USH2A: variants seen among roughly 807,000 people sequenced by gnomAD.
USH2A encodes the protein Usher syndrome 2A (autosomal recessive, mild).
USH2A carries 443 observed loss-of-function variants against 538.9 expected under a neutral mutation model. The observed-to-expected ratio is 0.82, with a 90% confidence interval of 0.76 to 0.89. The LOEUF (loss-of-function observed/expected upper bound fraction) is 0.89. USH2A is among the 40% of genes least tolerant of loss of function. The pLI, the probability that USH2A is intolerant of heterozygous loss-of-function variation, is 0.00. For missense variants in USH2A, 6,633 were observed against 6,324.8 expected, an observed-to-expected ratio of 1.05 and a Z score of -1.65; for synonymous variants, 2,413 against 2,273.5, an observed-to-expected ratio of 1.06 and a Z score of -1.75.
chr1:216,284,408 T>A (rs544618519), intron 11 of USH2A, among the ~76,000 whole-genome samples: 1 of 152,200 alleles, frequency 6.6e-6, no homozygotes, highest in Non-Finnish European at 1.5e-5. Flanking sequence ...TTCTCCTTGC[T>A]GTCACCATGT....
At chr1:215,799,275 C>T (rs577103569) in intron 49 of USH2A, 150 bp from the exon 50 acceptor site, 2 of 892,370 alleles carry the variant, frequency 2.2e-6, no homozygotes, top group South Asian at 3.2e-5. Flanking sequence ...GCAAAATTTC[C>T]AAATGACTCC....
chr1:216,045,848 G>A (rs1571913297), intron 32 of USH2A, among the ~76,000 whole-genome samples: 1 of 152,184 alleles, frequency 6.6e-6, no homozygotes, highest in African/African-American at 2.4e-5. Flanking sequence ...GGTGGAGGGA[G>A]GTAACATGAG....
intron 56 of USH2A, among the ~76,000 whole-genome samples, chr1:215,762,184 G>T (rs1229045014): frequency 6.6e-6 from 1 of 152,108 alleles, no homozygotes; most frequent in Non-Finnish European, 1.5e-5. Flanking sequence ...GGGTTTCTCT[G>T]CCAACAGCTG....
At chr1:215,765,028 T>A (rs893570615) in intron 56 of USH2A, among the ~76,000 whole-genome samples, 1 of 151,964 alleles carries the variant, frequency 6.6e-6, no homozygotes, top group Admixed American at 6.6e-5. Context: ...TACCCTGCAC[T>A]GTTGAAAGCT....
Position 216,374,459 on chromosome 1 carries a change from A to G in USH2A, c.652-9374T>C, listed in dbSNP as rs74141565. 6.0e-3 allele frequency among the ~76,000 whole-genome samples: 907 copies of G among 152,130 alleles called. 11 individuals carry two copies. The highest frequency in any genetic ancestry group is 0.021 in the African/African-American group (872 of 41,526). On this transcript the variant is annotated intron_variant, in intron 3 of 71. Transcript: ENST00000307340. ...CATATTATATCTTATCATGTCTTAC[A>G]TCATTTCTATTTGTTCCATTATTAA...
intron 19 of USH2A, 23 bp from the exon 20 acceptor site, chr1:216,190,390 A>G (rs778834732): frequency 6.2e-7 from 1 of 1,607,788 alleles, no homozygotes; most frequent in Admixed American, 1.7e-5. Context: ...AAAGAAAGAA[A>G]GAAAGAAAGA....
chr1:216,198,684 T>A, intron 17 of USH2A, 100 bp from the exon 18 acceptor site: 1 of 1,077,568 alleles, frequency 9.3e-7, no homozygotes, highest in Non-Finnish European at 1.4e-6. Context: ...TGGATATTCA[T>A]TGTCTTTCTA....
chr1:215,773,524 C>CTCTCTCTCTCTCTCTCTCTCTT (rs1558091711), intron 55 of USH2A, among the ~76,000 whole-genome samples: 1 of 148,858 alleles, frequency 6.7e-6, no homozygotes, highest in Admixed American at 6.6e-5. Flanking sequence ...CTCTCTCTCT[C>CTCTCTCTCTCTCTCTCTCTCTT]TCTCTCTCTG....
chr1:215,993,102 G>C lies in USH2A; in HGVS notation c.6723C>G (p.Pro2241=), dbSNP rs1238280246. ...ASEALTDEDI[P]EGVPAPKAHS... ...GGGCTTTGGGGGCTGGCACGCCTTC[G>C]GGTATGTCCTCGTCAGTTAGGGCCT... The change falls in exon 35 of 72, where the codon CCC becomes CCG. Residue 2241 remains proline (P), a synonymous_variant. Transcript: ENST00000307340. 6.2e-7 allele frequency: 1 copy of C among 1,614,018 alleles called. No homozygotes were observed. Among genetic ancestry groups the C allele is most frequent in the Admixed American group, 1.7e-5 (1 of 60,008 alleles).
At chr1:215,974,819 T>A (rs550082409) in intron 35 of USH2A, among the ~76,000 whole-genome samples, 1 of 152,326 alleles carries the variant, frequency 6.6e-6, no homozygotes, top group East Asian at 1.9e-4. Context: ...ATGTTTCTTT[T>A]GGTAGAATGA....
intron 41 of USH2A, among the ~76,000 whole-genome samples, chr1:215,880,415 A>G (rs1359584357): frequency 1.3e-5 from 2 of 152,198 alleles, no homozygotes; most frequent in East Asian, 3.9e-4. Flanking sequence ...CTACCAAATT[A>G]TACTACAGGG....
chr1:216,064,847 A>T (rs2031298194), intron 30 of USH2A, among the ~76,000 whole-genome samples: 1 of 152,208 alleles, frequency 6.6e-6, no homozygotes, highest in African/African-American at 2.4e-5. Flanking sequence ...AGCACATTGC[A>T]AGGTGATGAA....
At chr1:216,203,245 A>G (rs553449985) in intron 16 of USH2A, among the ~76,000 whole-genome samples, 1 of 151,920 alleles carries the variant, frequency 6.6e-6, no homozygotes, top group South Asian at 2.1e-4. Context: ...ATATACACAT[A>G]TACACATATA....
intron 42 of USH2A, 109 bp from the exon 43 acceptor site, chr1:215,877,989 A>G: frequency 6.8e-7 from 1 of 1,461,388 alleles, no homozygotes; most frequent in Non-Finnish European, 9.5e-7. Context: ...GTGGAAGCAT[A>G]AAGAATAACA....
intron 38 of USH2A, among the ~76,000 whole-genome samples, chr1:215,929,031 G>T (rs950591073): frequency 6.6e-5 from 10 of 151,790 alleles, no homozygotes; most frequent in African/African-American, 2.2e-4. Context: ...AGTGAAAAAT[G>T]AAAAAAAGTT....
At chr1:215,891,010 T>G (rs901979611) in intron 40 of USH2A, among the ~76,000 whole-genome samples, 10 of 152,200 alleles carry the variant, frequency 6.6e-5, no homozygotes, top group African/African-American at 2.2e-4. Flanking sequence ...ATGTGAACTA[T>G]CAAACTGTGA....
intron 71 of USH2A, among the ~76,000 whole-genome samples, 188 bp downstream of exon 71, chr1:215,628,626 A>C (rs762105014): frequency 6.6e-5 from 10 of 152,204 alleles, no homozygotes; most frequent in Non-Finnish European, 1.3e-4. Context: ...CCAGAAGAAC[A>C]AGACAAAGTT....
intron 47 of USH2A, among the ~76,000 whole-genome samples, chr1:215,831,595 C>T (rs1268508281): frequency 3.3e-5 from 5 of 151,934 alleles, no homozygotes; most frequent in Admixed American, 1.3e-4. Flanking sequence ...TAAACAATAC[C>T]CTTGTAAATA....
chr1:216,299,398 T>C (rs1252465070), intron 9 of USH2A, among the ~76,000 whole-genome samples: 2 of 152,122 alleles, frequency 1.3e-5, no homozygotes, highest in African/African-American at 4.8e-5. Context: ...GGTGGACTTA[T>C]CTATAGATAT....
Sources: allele counts gnomAD v4.1 joint callset (sites outside exome capture counted in the v4.1 genomes callset), GRCh38; gene constraint gnomAD v4.1.1; transcripts MANE v1.5; gene names NCBI Gene and HGNC (gene_info 2026-07-23, HGNC 2026-07-21).